USH1C: variants seen among roughly 807,000 people sequenced by gnomAD.
The protein encoded by USH1C is USH1 protein network component harmonin, also known as harmonin.
In USH1C, 90 loss-of-function variants were observed where a neutral mutation model predicts 119.3. The observed-to-expected ratio is 0.75, with a 90% CI of 0.64 to 0.90. The LOEUF (loss-of-function observed/expected upper bound fraction) is 0.90, where lower values mean the gene tolerates loss of function less well. Among genes scored for constraint, USH1C ranks in the 40% least tolerant of loss-of-function variants. The pLI, the probability that USH1C is intolerant of heterozygous loss-of-function variation, is 0.00. For synonymous variants in USH1C, 465 were observed against 443.3 expected, an observed-to-expected ratio of 1.05 and a Z score of -0.62; for missense variants, 1,165 against 1,167.7, an observed-to-expected ratio of 1.00 and a Z score of 0.03.
chr11:17,526,597 G>A (rs758834116), intron 7 of USH1C, among the ~76,000 whole-genome samples, 156 bp from the exon 8 acceptor site: 4 of 152,162 alleles, frequency 2.6e-5, no homozygotes, highest in Non-Finnish European at 5.9e-5. Flanking sequence ...GGGCCTGGCC[G>A]AGGGCTGCTG....
At position 17,543,693 on chromosome 11, in the gene USH1C, C is replaced by T. The variant is rs1198297295; in HGVS notation, c.36+579G>A. Among the ~76,000 whole-genome samples the T allele has an allele frequency of 2.6e-5, 4 of 152,200 alleles. No homozygotes were observed. In the East Asian group the frequency reaches 7.7e-4, roughly 29 times the overall value. On this transcript the variant is annotated intron_variant, in intron 1 of 26. Transcript: ENST00000005226. ...GGCCGGCCAGAGCCCAGCTCCGACG[C>T]CCTCAGTACCTCCTCCCTTCCTCCC...
In USH1C at chr11:17,511,937, C is replaced by G; in HGVS notation, c.1378G>C (p.Glu460Gln). The G allele has an allele frequency of 6.2e-7, 1 of 1,614,092 alleles. No individual in the cohort carries two copies. The highest frequency in any genetic ancestry group is 8.5e-7 in the Non-Finnish European group (1 of 1,180,010). Reference protein sequence around the residue: ...YKEKEEMLEKEKQLKINRLAQ... With the variant: ...YKEKEEMLEKQKQLKINRLAQ... ...AGCCGGTTGATCTTTAGCTGCTTTTCCTTCTCCAGCATTTCCTCTTTCTCT... is the reference window on the plus strand; with the variant it reads ...AGCCGGTTGATCTTTAGCTGCTTTTGCTTCTCCAGCATTTCCTCTTTCTCT... Residue 460 changes from glutamate to glutamine, a missense_variant, in exon 16 of 27, where the codon GAA becomes CAA. Coordinates refer to ENST00000005226, the MANE Select transcript of USH1C (RefSeq NM_153676.4).
In USH1C at chr11:17,511,916, G is replaced by A. The variant is rs138996642; in HGVS notation, c.1399C>T (p.Arg467Trp). ...AGGACACATACCTCCTGGGCCAGCCGGTTGATCTTTAGCTGCTTTTCCTTC... is the reference window on the plus strand; with the variant it reads ...AGGACACATACCTCCTGGGCCAGCCAGTTGATCTTTAGCTGCTTTTCCTTC... ...LEKEKQLKIN[R>W]LAQEVSETER... Residue 467 changes from arginine to tryptophan, a missense_variant, in exon 16 of 27, where the codon CGG (arginine) becomes TGG (tryptophan). Coordinates refer to ENST00000005226, the MANE Select transcript of USH1C (RefSeq NM_153676.4). The A allele has an allele frequency of 3.4e-5, 55 of 1,613,828 alleles. No individual in the cohort carries two copies. The African/African-American group carries it at 3.9e-4, about 11-fold the overall frequency.
At chr11:17,521,101 G>T in intron 13 of USH1C, 107 bp from the exon 14 acceptor site, 1 of 1,501,240 alleles carries the variant, frequency 6.7e-7, no homozygotes, top group Non-Finnish European at 9.2e-7. Context: ...CATGGTTCTA[G>T]TCATGATGAA....
chr11:17,504,768 G>A, intron 19 of USH1C, 71 bp from the exon 20 acceptor site: 1 of 1,541,312 alleles, frequency 6.5e-7, no homozygotes, highest in Non-Finnish European at 8.9e-7. Context: ...CCTGGTGCCA[G>A]GCTTCGGGCC....
Position 17,531,407 on chromosome 11 carries a change from C to T in USH1C, c.240G>A (p.Arg80=), listed in dbSNP as rs1565064308. The change falls in exon 3 of 27, where the codon CGG becomes CGA. Residue 80 remains arginine, a synonymous_variant. Coordinates refer to ENST00000005226, the MANE Select transcript of USH1C (RefSeq NM_153676.4). This position sits in a 1 kb window ranked among gnomAD's most constrained non-coding sequence, Gnocchi z 4.2. ...GGTGGCTTCCTCTGCACCTGGAGCG[C>T]CGGGGGGTCAGCTGATCATATTCCA... ...HQVEYDQLTP[R]RSRKLKEVRL... 1.2e-6 allele frequency: 2 copies of T among 1,613,798 alleles called. No individual in the cohort carries two copies. The highest frequency in any genetic ancestry group is 2.2e-5 in the East Asian group (1 of 44,884).
At chr11:17,501,357 G>T in intron 22 of USH1C, 125 bp downstream of exon 22, 1 of 1,202,110 alleles carries the variant, frequency 8.3e-7, no homozygotes, top group Non-Finnish European at 1.2e-6. Flanking sequence ...CGTGGGAGAG[G>T]GGAGGACAGT....
intron 24 of USH1C, 123 bp from the exon 25 acceptor site, chr11:17,496,936 G>C: frequency 7.3e-6 from 8 of 1,091,836 alleles, no homozygotes; most frequent in East Asian, 2.6e-5. Context: ...TTCTTCCCAC[G>C]GGCCCACCTG....
Position 17,509,802 on chromosome 11 carries a change from A to T in USH1C, c.1567T>A (p.Ser523Thr), listed in dbSNP as rs1849803703. Reference protein sequence around the residue: ...TGPPPPPPSVSPLAPPLRRFA... With the variant: ...TGPPPPPPSVTPLAPPLRRFA... ...CGTCTCAAGGGTGGGGCCAGGGGAG[A>T]CACAGAAGGCGGGGGAGGCGGGGGC... The change falls in exon 18 of 27, where the codon TCT becomes ACT. Residue 523 changes from serine to threonine, a missense_variant. Ser to Thr is a moderately conservative substitution (Grantham distance 58). Coordinates refer to ENST00000005226, the MANE Select transcript of USH1C (RefSeq NM_153676.4). The T allele has an allele frequency of 2.5e-6, 4 of 1,595,848 alleles. No individual in the cohort carries two copies. The Admixed American group carries it at 5.0e-5, about 20-fold the overall frequency.
At chr11:17,508,757 T>C (rs532460804) in intron 18 of USH1C, among the ~76,000 whole-genome samples, 3 of 152,362 alleles carry the variant, frequency 2.0e-5, no homozygotes, top group East Asian at 1.9e-4. Context: ...TCTTCATTTT[T>C]TCTATAGCTG....
intron 20 of USH1C, among the ~76,000 whole-genome samples, chr11:17,502,468 G>C (rs1183617916): frequency 1.3e-5 from 2 of 152,228 alleles, no homozygotes; most frequent in African/African-American, 4.8e-5. Context: ...CTGGAAATCA[G>C]CCACAAGATG....
intron 19 of USH1C, 44 bp from the exon 20 acceptor site, chr11:17,504,741 A>G (rs1471364413): frequency 3.1e-6 from 5 of 1,607,110 alleles, no homozygotes; most frequent in Non-Finnish European, 3.4e-6. Flanking sequence ...GATGTTACCA[A>G]TAGGTCTTGG....
chr11:17,495,749 C>T (rs1453369253), intron 25 of USH1C, 72 bp from the exon 26 acceptor site: 25 of 1,503,538 alleles, frequency 1.7e-5, no homozygotes, highest in Non-Finnish European at 2.1e-5. Flanking sequence ...CATGGGGCTT[C>T]TCCTTTCACT....
At chr11:17,539,437 G>A (rs1851362829) in intron 1 of USH1C, among the ~76,000 whole-genome samples, 1 of 151,950 alleles carries the variant, frequency 6.6e-6, no homozygotes, top group African/African-American at 2.4e-5. Flanking sequence ...TTTTAAAATG[G>A]GATTTAATCA....
chr11:17,498,104 G>T, intron 24 of USH1C, 58 bp downstream of exon 24: 1 of 1,516,922 alleles, frequency 6.6e-7, no homozygotes, highest in Non-Finnish European at 9.2e-7. Context: ...TGGCTGCAGA[G>T]GCCAGGGTTT....
chr11:17,531,895 T>C lies in USH1C; in HGVS notation c.105-353A>G, dbSNP rs1851005098. Among the ~76,000 whole-genome samples the C allele has an allele frequency of 6.6e-6, 1 of 152,200 alleles. No individual in the cohort carries two copies. The highest frequency in any genetic ancestry group is 1.5e-5 in the Non-Finnish European group (1 of 68,030). On this transcript the variant is annotated intron_variant, in intron 2 of 26. Coordinates refer to ENST00000005226, the MANE Select transcript of USH1C (RefSeq NM_153676.4). This position sits in a 1 kb window ranked among gnomAD's most constrained non-coding sequence, Gnocchi z 4.2. ...CTCACACACTCATCATCTCCACTCG[T>C]ATCTGCTGCTAAGCTCTGTCAATTT...
At chr11:17,497,574 A>G (rs549973800) in intron 24 of USH1C, among the ~76,000 whole-genome samples, 1 of 152,318 alleles carries the variant, frequency 6.6e-6, no homozygotes, top group South Asian at 2.1e-4. Flanking sequence ...CCATCTGGTC[A>G]GCTTCCTCGG....
chr11:17,533,873 C>A, intron 1 of USH1C: 2 of 404,530 alleles, frequency 4.9e-6, no homozygotes, highest in South Asian at 1.8e-5. Context: ...CTGACCTTAG[C>A]TGGGTTCTGT....
At chr11:17,513,844 A>C (rs960643141) in intron 15 of USH1C, among the ~76,000 whole-genome samples, 1 of 152,158 alleles carries the variant, frequency 6.6e-6, no homozygotes, top group Non-Finnish European at 1.5e-5. Flanking sequence ...AAGAAAAAAA[A>C]AACTACCAGT....
Sources: allele counts gnomAD v4.1 joint callset (sites outside exome capture counted in the v4.1 genomes callset), GRCh38; gene constraint gnomAD v4.1.1; non-coding constraint Gnocchi (gnomAD v3.1); transcripts MANE v1.5; gene names NCBI Gene and HGNC (gene_info 2026-07-23, HGNC 2026-07-21).